Variants in SRGAP2 observed in about 807,000 individuals in gnomAD.
SRGAP2 encodes SLIT-ROBO Rho GTPase-activating protein 2.
Under a neutral mutation model 57.2 loss-of-function variants are expected in SRGAP2, and 15 were observed. The ratio of observed to expected loss-of-function variants is 0.26; its 90% CI spans 0.18 to 0.40. SRGAP2 has a LOEUF of 0.40. Among genes scored for constraint, SRGAP2 ranks in the 10% least tolerant of loss-of-function variants. SRGAP2 has a pLI of 1.00. For synonymous variants in SRGAP2, 249 were observed against 248.0 expected (o/e 1.00, Z -0.04); for missense variants, 520 against 669.6 (o/e 0.78, Z 2.47).
intron 3 of SRGAP2, among the ~76,000 whole-genome samples, chr1:206,312,923 C>G (rs1353537607): frequency 6.6e-6 from 1 of 150,846 alleles, no homozygotes; most frequent in Non-Finnish European, 1.5e-5. Flanking sequence ...TATGGCCCAG[C>G]AGGACTCTAA....
At chr1:206,228,843 AG>A (rs1667442275) in intron 2 of SRGAP2, among the ~76,000 whole-genome samples, 3 of 150,290 alleles carry the variant, frequency 2.0e-5, no homozygotes, top group South Asian at 2.1e-4. Context: ...AAAAAAAAAA[AG>A]ATTACATTCC....
At chr1:206,289,524 G>T (rs1180171212) in intron 2 of SRGAP2, among the ~76,000 whole-genome samples, 56 of 151,970 alleles carry the variant, frequency 3.7e-4, no homozygotes, top group Non-Finnish European at 5.4e-4. Flanking sequence ...TGGTCCGCCT[G>T]CCTTGGCCTC....
rs1553377389 is a variant in SRGAP2 at position 206,454,179 on chromosome 1, T to TC, written c.2361-698dup. The stretch of plus-strand genomic sequence containing the variant: ...TGAGTGAGTCTGCACCCTCCCAGCC[T>TC]CTTCCCGGCTCGTTCTGCAGGGAAA... On this transcript the variant is annotated intron_variant, in intron 20 of 22. Transcript: ENST00000573034. This position sits in a 1 kb window ranked among gnomAD's most constrained non-coding sequence, Gnocchi z 4.3. The TC allele has an allele frequency of 1.4e-6, 1 of 702,424 alleles. No homozygotes were observed. The highest frequency in any genetic ancestry group is 1.7e-5 in the African/African-American group (1 of 57,258). 43.5% of individuals were successfully genotyped at this position (702,424 alleles called of 1,614,324 possible). A position where few individuals can be genotyped will look rare whatever the true frequency, so the allele number is the denominator to read the frequency against.
At chr1:206,429,676 G>C (rs1338621389) in intron 13 of SRGAP2, among the ~76,000 whole-genome samples, 1 of 152,242 alleles carries the variant, frequency 6.6e-6, no homozygotes, top group Non-Finnish European at 1.5e-5. Flanking sequence ...CCGTGTAAGA[G>C]AGTAATGAGA....
intron 14 of SRGAP2, among the ~76,000 whole-genome samples, chr1:206,436,128 T>C (rs1041415831): frequency 3.3e-5 from 5 of 152,096 alleles, no homozygotes; most frequent in African/African-American, 1.2e-4. Flanking sequence ...CATTAGAATA[T>C]TTTATGTGTG....
intron 6 of SRGAP2, 84 bp from the exon 7 acceptor site, chr1:206,393,461 T>C (rs1435713084): frequency 1.5e-6 from 1 of 645,918 alleles, no homozygotes; most frequent in Non-Finnish European, 2.8e-6. Flanking sequence ...TTGTAGTTCT[T>C]GAATACACTG....
intron 2 of SRGAP2, among the ~76,000 whole-genome samples, chr1:206,281,890 GGCGACAGA>G (rs1670757611): frequency 1.4e-5 from 2 of 145,114 alleles, no homozygotes; most frequent in African/African-American, 5.5e-5. Flanking sequence ...CTCCAGCCTG[GGCGACAGA>G]GTGAGACTCC....
At chr1:206,228,666 G>A (rs1248831729) in intron 2 of SRGAP2, among the ~76,000 whole-genome samples, 1 of 151,424 alleles carries the variant, frequency 6.6e-6, no homozygotes, top group Non-Finnish European at 1.5e-5. Context: ...TTTTGAAGCT[G>A]AGAATGAGAA....
At chr1:206,218,044 C>G (rs1553303763) in intron 2 of SRGAP2, among the ~76,000 whole-genome samples, 3 of 151,926 alleles carry the variant, frequency 2.0e-5, no homozygotes. Flanking sequence ...CTGGGTGGCT[C>G]AAGCCTGTAA....
intron 2 of SRGAP2, among the ~76,000 whole-genome samples, chr1:206,295,824 AC>A (rs1201060681): frequency 3.5e-4 from 54 of 152,344 alleles, no homozygotes; most frequent in African/African-American, 1.3e-3. Flanking sequence ...TTTATCCATT[AC>A]AGCCCCTTTG....
At chr1:206,296,594 T>C (rs1671609185) in intron 2 of SRGAP2, among the ~76,000 whole-genome samples, 1 of 152,012 alleles carries the variant, frequency 6.6e-6, no homozygotes, top group East Asian at 1.9e-4. Flanking sequence ...CACCCCCAGC[T>C]AACTTAAAAA....
intron 21 of SRGAP2, among the ~76,000 whole-genome samples, chr1:206,456,505 G>A (rs1663846737): frequency 6.6e-6 from 1 of 152,142 alleles, no homozygotes; most frequent in South Asian, 2.1e-4. Context: ...GGGGTTGGTG[G>A]AGGAAGAGTT....
chr1:206,325,292 A>G (rs2102850445), intron 3 of SRGAP2, among the ~76,000 whole-genome samples: 1 of 152,116 alleles, frequency 6.6e-6, no homozygotes, highest in South Asian at 2.1e-4. Flanking sequence ...TCACAGAACA[A>G]TACTTATCTT....
intron 3 of SRGAP2, among the ~76,000 whole-genome samples, chr1:206,340,026 G>A (rs1432085781): frequency 8.0e-4 from 120 of 149,774 alleles, no homozygotes; most frequent in Non-Finnish European, 1.3e-3. Flanking sequence ...TTGGTCTCAA[G>A]TGATCCACCT....
chr1:206,237,575 C>G (rs1289251268), intron 2 of SRGAP2, among the ~76,000 whole-genome samples: 1 of 152,122 alleles, frequency 6.6e-6, no homozygotes, highest in African/African-American at 2.4e-5. Flanking sequence ...TTTTTTTTAG[C>G]AACTTGCCTT....
At chr1:206,370,613 G>GACT (rs1277732115) in intron 4 of SRGAP2, among the ~76,000 whole-genome samples, 1 of 152,070 alleles carries the variant, frequency 6.6e-6, no homozygotes, top group Non-Finnish European at 1.5e-5. Flanking sequence ...GATGGGGAGT[G>GACT]ACTACTAACA....
intron 2 of SRGAP2, among the ~76,000 whole-genome samples, chr1:206,298,777 A>G (rs1198873112): frequency 6.6e-6 from 1 of 152,164 alleles, no homozygotes; most frequent in African/African-American, 2.4e-5. Context: ...ATGTTAGAGG[A>G]CATTGGATTT....
Position 206,378,981 on chromosome 1 carries a change from C to T in SRGAP2, c.424-5033C>T, listed in dbSNP as rs563589290. Among the ~76,000 whole-genome samples the T allele has an allele frequency of 4.0e-4, 61 of 151,642 alleles. 1 individual carries two copies. The East Asian group carries it at 0.011, about 27-fold the overall frequency. ...GAAGGCAAAAGCACCTCTGGTGTCCCTGTTGTGGTATCTCCTAGCCTACCT... is the reference window on the plus strand; with the variant it reads ...GAAGGCAAAAGCACCTCTGGTGTCCTTGTTGTGGTATCTCCTAGCCTACCT... On this transcript the variant is annotated intron_variant, in intron 4 of 22. Coordinates refer to ENST00000573034, the MANE Select transcript of SRGAP2 (RefSeq NM_015326.5).
intron 2 of SRGAP2, among the ~76,000 whole-genome samples, chr1:206,239,646 T>C (rs61815487): frequency 0.48 from 59,828 of 123,984 alleles, 15,208 homozygotes; most frequent in East Asian, 0.68. Flanking sequence ...TTAGTAGAGA[T>C]GGAGTTTCAC....
Sources: allele counts gnomAD v4.1 joint callset (sites outside exome capture counted in the v4.1 genomes callset), GRCh38; gene constraint gnomAD v4.1.1; non-coding constraint Gnocchi (gnomAD v3.1); transcripts MANE v1.5; gene names NCBI Gene and HGNC (gene_info 2026-07-23, HGNC 2026-07-21).